Variants in NIN observed in about 807,000 individuals in gnomAD.
NIN encodes the protein ninein, also known as glycogen synthase kinase 3 beta-interacting protein.
A neutral mutation model predicts 257.6 loss-of-function variants in NIN; 137 were observed. The observed-to-expected ratio is 0.53, with a 90% confidence interval of 0.46 to 0.61. The LOEUF (loss-of-function observed/expected upper bound fraction) is 0.61. Ranked by LOEUF, NIN falls within the 20% of genes least tolerant of loss-of-function variation. The pLI is 0.00. For missense variants in NIN, 2,439 were observed against 2,501.2 expected, an observed-to-expected ratio of 0.98 and a Z score of 0.53; for synonymous variants, 918 against 919.8, an observed-to-expected ratio of 1.00 and a Z score of 0.04.
At chr14:50,741,897 T>A in intron 24 of NIN, 169 bp from the exon 25 acceptor site, 1 of 581,784 alleles carries the variant, frequency 1.7e-6, no homozygotes, top group Non-Finnish European at 2.9e-6. Context: ...GTAGGTATAT[T>A]TACAGGATGT....
At chr14:50,829,751 G>A (rs543411054) in intron 2 of NIN, among the ~76,000 whole-genome samples, 1 of 152,172 alleles carries the variant, frequency 6.6e-6, no homozygotes, top group Non-Finnish European at 1.5e-5. Context: ...CTTCACCTCG[G>A]GTTGTCAGGG....
chr14:50,740,471 C>T (rs2140483315), intron 25 of NIN, among the ~76,000 whole-genome samples: 1 of 152,258 alleles, frequency 6.6e-6, no homozygotes, highest in South Asian at 2.1e-4. Context: ...GCCTTAGCCT[C>T]CCGAGTAGCT....
At chr14:50,725,612 G>A (rs2040377670) in intron 30 of NIN, among the ~76,000 whole-genome samples, 1 of 151,664 alleles carries the variant, frequency 6.6e-6, no homozygotes, top group African/African-American at 2.4e-5. Flanking sequence ...TGATTCACAG[G>A]GACCTAAAGC....
intron 4 of NIN, among the ~76,000 whole-genome samples, chr14:50,800,007 TACACACACACACACAC>T (rs71118902): frequency 5.9e-4 from 88 of 148,070 alleles, no homozygotes; most frequent in East Asian, 8.0e-4. Context: ...TATATACACA[TACACACACACACACAC>T]ACACACACAC....
chr14:50,725,239 C>CTA (rs2040364308), intron 30 of NIN, among the ~76,000 whole-genome samples: 1 of 151,726 alleles, frequency 6.6e-6, no homozygotes, highest in Admixed American at 6.6e-5. Flanking sequence ...CATTTTCTGC[C>CTA]CCCCACCCCA....
chr14:50,762,289 C>T lies in NIN; in HGVS notation c.1775-378G>A, dbSNP rs544697224. On this transcript the variant is annotated intron_variant, in intron 15 of 30. Coordinates refer to ENST00000530997, the MANE Select transcript of NIN (RefSeq NM_020921.4). ...TAGTTTGGTCAAACCAACCAGACTC[C>T]TACCCATCCAACAAATACTGAATGA... Among the ~76,000 whole-genome samples, 5 of 152,214 alleles carry T rather than the reference C, an allele frequency of 3.3e-5. No homozygotes were observed. In the East Asian group the frequency reaches 5.8e-4, roughly 18 times the overall value.
chr14:50,727,511 T>A, intron 29 of NIN: 1 of 1,206,816 alleles, frequency 8.3e-7, no homozygotes. Context: ...CATTTCTACA[T>A]AAATAAATAA....
chr14:50,821,791 A>G (rs2045233915), intron 3 of NIN, 83 bp downstream of exon 3: 1 of 1,074,972 alleles, frequency 9.3e-7, no homozygotes, highest in Non-Finnish European at 1.4e-6. Context: ...ACAAGTTGCA[A>G]CATGTGTGGT....
intron 2 of NIN, among the ~76,000 whole-genome samples, chr14:50,825,543 C>T (rs2045420529): frequency 6.6e-6 from 1 of 152,172 alleles, no homozygotes; most frequent in South Asian, 2.1e-4. Flanking sequence ...TTCTCATTTT[C>T]CCACGCAAGA....
At chr14:50,823,519 C>A (rs2045330307) in intron 2 of NIN, 1 of 248,526 alleles carries the variant, frequency 4.0e-6, no homozygotes, top group East Asian at 1.0e-4. Flanking sequence ...ATCAATGTTG[C>A]TCTAGGTTGT....
At chr14:50,739,980 A>T (rs2041196889) in intron 25 of NIN, among the ~76,000 whole-genome samples, 1 of 152,244 alleles carries the variant, frequency 6.6e-6, no homozygotes, top group Non-Finnish European at 1.5e-5. Context: ...TTTAGAATCC[A>T]AAGCACATAT....
Position 50,757,280 on chromosome 14 carries a change from C to A in NIN, c.3750G>T (p.Leu1250=), listed in dbSNP as rs796271428. Residue 1250 remains leucine, a synonymous_variant, in exon 18 of 31, where the codon CTG becomes CTT. Transcript: ENST00000530997. ...TTTCTCGGCTCACATCTTCATACAA[C>A]AGCTTATATTTGGGAGAAGCCTCAG... ...RIPEASPKYK[L]LYEDVSREND... is the part of the protein sequence containing the mutation. 2.5e-6 allele frequency: 4 copies of A among 1,614,070 alleles called. No homozygotes were observed. The highest frequency in any genetic ancestry group is 1.3e-5 in the African/African-American group (1 of 74,918).
intron 11 of NIN, 29 bp downstream of exon 11, chr14:50,770,823 G>A (rs750616894): frequency 6.2e-7 from 1 of 1,602,182 alleles, no homozygotes; most frequent in Non-Finnish European, 8.5e-7. Flanking sequence ...GGTGGTGGGT[G>A]AGGAGGAGCC....
At chr14:50,771,027 T>G (rs776368298) in intron 10 of NIN, 35 bp from the exon 11 acceptor site, 10 of 1,601,504 alleles carry the variant, frequency 6.2e-6, no homozygotes, top group South Asian at 1.1e-5. Context: ...AATGGGAAAC[T>G]GTTTCTAAGC....
intron 26 of NIN, 34 bp downstream of exon 26, chr14:50,739,274 A>G: frequency 6.2e-7 from 1 of 1,602,630 alleles, no homozygotes; most frequent in South Asian, 1.1e-5. Context: ...GTCATTTTCA[A>G]ACATATGCCA....
chr14:50,807,463 G>C (rs370353076), intron 3 of NIN, among the ~76,000 whole-genome samples: 18 of 152,216 alleles, frequency 1.2e-4, no homozygotes, highest in African/African-American at 4.1e-4. Flanking sequence ...TAAATAGTCA[G>C]AACTAGGATA....
rs142814973 is a variant in NIN at position 50,778,721 on chromosome 14, C to T, written c.475+44G>A. ...AAGACCGGGTGTGGAGAGCACCCGG[C>T]GGCCCTTCCCTTCCAGGCACGTCCT... On this transcript the variant is annotated intron_variant, in intron 6 of 30. Coordinates refer to ENST00000530997, the MANE Select transcript of NIN (RefSeq NM_020921.4). 1.7e-4 allele frequency: 262 copies of T among 1,586,734 alleles called. 1 individual carries two copies. In the African/African-American group the frequency reaches 2.3e-3, roughly 14 times the overall value.
chr14:50,815,869 C>T (rs1032678747), intron 3 of NIN, among the ~76,000 whole-genome samples: 1 of 152,214 alleles, frequency 6.6e-6, no homozygotes. Context: ...ATTAGCTGGG[C>T]GTGGTGGCAT....
intron 22 of NIN, among the ~76,000 whole-genome samples, chr14:50,746,509 G>C (rs2041548555): frequency 6.6e-6 from 1 of 152,180 alleles, no homozygotes; most frequent in African/African-American, 2.4e-5. Context: ...AGACGCATAG[G>C]AGTCAATCAG....
Sources: gnomAD v4.1 joint callset for allele counts (sites outside exome capture counted in the v4.1 genomes callset) on GRCh38, gnomAD v4.1.1 for gene constraint, MANE v1.5 for transcripts, NCBI Gene and HGNC (gene_info 2026-07-23, HGNC 2026-07-21) for gene names.